Variants in TMOD1 observed in about 807,000 individuals in gnomAD.
TMOD1 encodes tropomodulin 1, also known as tropomodulin-1.
In TMOD1, 17 loss-of-function variants were observed where a neutral mutation model predicts 40.6. The observed-to-expected ratio is 0.42, with a 90% CI of 0.29 to 0.63. TMOD1 has a LOEUF of 0.63. Among genes scored for constraint, TMOD1 ranks in the 20% least tolerant of loss-of-function variants. The pLI is 0.22. For missense variants in TMOD1, 391 were observed against 447.6 expected (o/e 0.87, Z 1.14); for synonymous variants, 181 against 175.0 (o/e 1.03, Z -0.27).
At chr9:97,539,311 C>G (rs988610728) in intron 2 of TMOD1, among the ~76,000 whole-genome samples, 3 of 152,190 alleles carry the variant, frequency 2.0e-5, no homozygotes, top group African/African-American at 4.8e-5. Context: ...TGTGGGAACT[C>G]TTTTCCTCAC....
chr9:97,559,426 GT>G (rs1830583159), intron 4 of TMOD1, among the ~76,000 whole-genome samples: 1 of 151,222 alleles, frequency 6.6e-6, no homozygotes, highest in Admixed American at 6.6e-5. Context: ...TCATCTTGTG[GT>G]TTTCGACTCT....
At chr9:97,516,262 G>A (rs1829806067) in intron 1 of TMOD1, 1 of 152,300 alleles carries the variant, frequency 6.6e-6, no homozygotes, top group Non-Finnish European at 1.5e-5. Context: ...GCAGATGTCA[G>A]ATGTGATCTT....
intron 1 of TMOD1, among the ~76,000 whole-genome samples, chr9:97,508,006 G>A (rs58099598): frequency 0.062 from 9,357 of 151,366 alleles, 497 homozygotes; most frequent in African/African-American, 0.15. Flanking sequence ...GTCCTTTGGG[G>A]GGCCTTAAAT....
chr9:97,599,931 A>T lies in TMOD1; in HGVS notation c.*233A>T. 1.5e-6 allele frequency: 2 copies of T among 1,295,110 alleles called. No homozygotes were observed. Among genetic ancestry groups the T allele is most frequent in the Non-Finnish European group, 2.0e-6 (2 of 1,014,200 alleles). 80.2% of individuals were successfully genotyped at this position (1,295,110 alleles called of 1,614,324 possible). On this transcript the variant is annotated 3_prime_UTR_variant, in exon 10 of 10. Coordinates refer to ENST00000259365, the MANE Select transcript of TMOD1 (RefSeq NM_003275.4). ...AGTTGAATCTGGTTATTATTTAAAA[A>T]CTAGAAGCCCCCAAACCAGCAGATC...
Position 97,600,991 on chromosome 9 carries a change from A to C in TMOD1, c.*1293A>C. ...GATAAAGGACAAGGTCAAGAACTCC[A>C]GAGCACTGAGCAGAGAGGCTGGTGA... On this transcript the variant is annotated 3_prime_UTR_variant, in exon 10 of 10. Transcript: ENST00000259365. The C allele has an allele frequency of 8.0e-7, 1 of 1,252,338 alleles. No homozygotes were observed. The highest frequency in any genetic ancestry group is 1.3e-5 in the South Asian group (1 of 74,504). 77.6% of individuals were successfully genotyped at this position (1,252,338 alleles called of 1,614,324 possible).
rs1484682870 is a variant in TMOD1 at position 97,591,339 on chromosome 9, G to GA, written c.926dup (p.Asn309LysfsTer29). ...GGAAATGGAGATTGTGAGCATGTTGGAAAAAAACGCAACACTTCTCAAATT... is the reference window on the plus strand; with the variant it reads ...GGAAATGGAGATTGTGAGCATGTTGGAAAAAAAACGCAACACTTCTCAAATT... On this transcript the variant is annotated frameshift_variant, in exon 9 of 10. Transcript: ENST00000259365. LOFTEE classifies it high-confidence loss of function. 1.2e-6 allele frequency: 2 copies of GA among 1,613,898 alleles called. No individual in the cohort carries two copies. Among genetic ancestry groups the GA allele is most frequent in the Admixed American group, 1.7e-5 (1 of 59,982 alleles).
chr9:97,560,394 A>T (rs1467319118), intron 4 of TMOD1, among the ~76,000 whole-genome samples: 2 of 152,140 alleles, frequency 1.3e-5, no homozygotes, highest in Non-Finnish European at 2.9e-5. Context: ...AGGGCCATAG[A>T]GTTGTTAGAT....
At chr9:97,560,844 C>T (rs907719857) in intron 4 of TMOD1, among the ~76,000 whole-genome samples, 10 of 151,748 alleles carry the variant, frequency 6.6e-5, no homozygotes, top group Non-Finnish European at 1.0e-4. Context: ...GCCTGGGCAA[C>T]AGAGCGAGAC....
At chr9:97,530,714 C>G (rs903239771) in intron 2 of TMOD1, among the ~76,000 whole-genome samples, 2 of 151,000 alleles carry the variant, frequency 1.3e-5, no homozygotes, top group Non-Finnish European at 2.9e-5. Flanking sequence ...TGGTCTCGAT[C>G]TCCTGACCTC....
chr9:97,599,742 T>C lies in TMOD1; in HGVS notation c.*44T>C, dbSNP rs369624235. ...ATGCCTTTGAACTGGATGTGTTCTA[T>C]TGATGACCTGTGCTCTGCAGGGGAA... On this transcript the variant is annotated 3_prime_UTR_variant, in exon 10 of 10. Transcript: ENST00000259365. 1.1e-5 allele frequency: 17 copies of C among 1,613,688 alleles called. No individual in the cohort carries two copies. The highest frequency in any genetic ancestry group is 3.4e-4 in the Middle Eastern group (2 of 5,802).
In TMOD1 at chr9:97,565,873, C is replaced by T. The variant is rs1422660581; in HGVS notation, c.644C>T (p.Ala215Val). The T allele has an allele frequency of 3.7e-6, 6 of 1,614,004 alleles. No homozygotes were observed. Among genetic ancestry groups the T allele is most frequent in the East Asian group, 4.5e-5 (2 of 44,902 alleles). ...AATATCCCCATCCCCACCCTCAAGG[C>T]ATATGCAGAAGCCCTGAAAGAAAAC... Reference protein sequence around the residue: ...IRNIPIPTLKAYAEALKENSY... With the variant: ...IRNIPIPTLKVYAEALKENSY... The change falls in exon 7 of 10, where the codon GCA becomes GTA. Residue 215 changes from alanine (A) to valine (V), a missense_variant. Ala to Val is a moderately conservative substitution (Grantham distance 64). Coordinates refer to ENST00000259365, the MANE Select transcript of TMOD1 (RefSeq NM_003275.4).
At chr9:97,503,112 C>A (rs1356694248) in intron 1 of TMOD1, among the ~76,000 whole-genome samples, 1 of 152,204 alleles carries the variant, frequency 6.6e-6, no homozygotes, top group East Asian at 1.9e-4. Flanking sequence ...GGGCCCCCAC[C>A]CCATCTTTCT....
chr9:97,548,392 G>A (rs1480022076), intron 3 of TMOD1, among the ~76,000 whole-genome samples: 1 of 152,170 alleles, frequency 6.6e-6, no homozygotes. Flanking sequence ...GGCCTAAGGG[G>A]CATCTAGATT....
chr9:97,528,294 T>C (rs1359204761), intron 2 of TMOD1, among the ~76,000 whole-genome samples: 4 of 152,126 alleles, frequency 2.6e-5, no homozygotes, highest in Admixed American at 2.6e-4. Flanking sequence ...CCAGAGTGTG[T>C]GCACCTCCCA....
intron 2 of TMOD1, among the ~76,000 whole-genome samples, chr9:97,529,975 G>T (rs187243712): frequency 1.1e-4 from 16 of 152,332 alleles, no homozygotes; most frequent in African/African-American, 3.8e-4. Context: ...GAGGCTTAGA[G>T]ATATAAAGTA....
At chr9:97,571,858 G>T (rs575084568) in intron 8 of TMOD1, among the ~76,000 whole-genome samples, 1 of 152,308 alleles carries the variant, frequency 6.6e-6, no homozygotes, top group East Asian at 1.9e-4. Flanking sequence ...AGCACCACCC[G>T]CCATCCAGTG....
intron 1 of TMOD1, among the ~76,000 whole-genome samples, chr9:97,507,301 C>T (rs923695376): frequency 2.6e-5 from 4 of 152,088 alleles, no homozygotes; most frequent in Non-Finnish European, 4.4e-5. Flanking sequence ...GAGAGGGAGA[C>T]GTGAGGACAG....
Position 97,586,392 on chromosome 9 carries a change from C to A in TMOD1, c.871-4899C>A, listed in dbSNP as rs1293041041. ...GATCTCCAGCTGCGTGCTGGGAGAA[C>A]CACTGCTCTCTTCAAAGCTGTCAGA... On this transcript the variant is annotated intron_variant, in intron 8 of 9. Coordinates refer to ENST00000259365, the MANE Select transcript of TMOD1 (RefSeq NM_003275.4). Among the ~76,000 whole-genome samples the A allele has an allele frequency of 8.8e-4, 133 of 151,762 alleles. 1 individual carries two copies. The highest frequency in any genetic ancestry group is 3.1e-3 in the African/African-American group (129 of 41,454).
chr9:97,530,196 A>T (rs1830077057), intron 2 of TMOD1, among the ~76,000 whole-genome samples: 1 of 152,238 alleles, frequency 6.6e-6, no homozygotes, highest in Non-Finnish European at 1.5e-5. Context: ...CTAATCTTTC[A>T]AGAAAAGAAG....
Sources: allele counts gnomAD v4.1 joint callset (sites outside exome capture counted in the v4.1 genomes callset), GRCh38; gene constraint gnomAD v4.1.1; transcripts MANE v1.5; gene names NCBI Gene and HGNC (gene_info 2026-07-23, HGNC 2026-07-21).